MAD1L1: variants seen among roughly 807,000 people sequenced by gnomAD.
The protein encoded by MAD1L1 is mitotic spindle assembly checkpoint protein MAD1.
A neutral mutation model predicts 96.9 loss-of-function variants in MAD1L1; 95 were observed. The ratio of observed to expected loss-of-function variants is 0.98; its 90% CI spans 0.83 to 1.16. The LOEUF (loss-of-function observed/expected upper bound fraction) is 1.16, where lower values mean the gene tolerates loss of function less well. Ranked by LOEUF, MAD1L1 falls within the 50% of genes most tolerant of loss-of-function variation. The pLI is 0.00. For missense variants in MAD1L1, 1,007 were observed against 954.4 expected (o/e 1.06, Z -0.73); for synonymous variants, 473 against 396.6 (o/e 1.19, Z -2.29).
chr7:2,230,120 C>A lies in MAD1L1; in HGVS notation c.14G>T (p.Gly5Val), dbSNP rs1241618769. Residue 5 changes from glycine to valine, a missense_variant, in exon 3 of 19, where the codon GGG becomes GTG. Physicochemically the swap from Gly to Val is moderately radical, Grantham distance 109. Coordinates refer to ENST00000265854, the MANE Select transcript of MAD1L1 (RefSeq NM_001013836.2). Reference sequence around the variant, plus strand: ...GGTGGATAAAACCATGGTGTTTTCCCCCAGGTCTTCCATGGTTGCTTTCCT... The same window carrying A: ...GGTGGATAAAACCATGGTGTTTTCCACCAGGTCTTCCATGGTTGCTTTCCT... Reference protein sequence around the residue: MEDLGENTMVLSTLR... With the variant: MEDLVENTMVLSTLR... 3 of 1,596,024 alleles carry A rather than the reference C, an allele frequency of 1.9e-6. No homozygotes were observed. The highest frequency in any genetic ancestry group is 2.3e-5 in the East Asian group (1 of 44,160).
At chr7:2,210,855 TGCTCAGAGAGGA>T (rs1792903254) in intron 10 of MAD1L1, among the ~76,000 whole-genome samples, 6 of 151,404 alleles carry the variant, frequency 4.0e-5, no homozygotes, top group Non-Finnish European at 8.8e-5. Context: ...AGCCTCCGGC[TGCTCAGAGAGGA>T]CGCTCGCACC....
intron 10 of MAD1L1, among the ~76,000 whole-genome samples, chr7:2,187,834 G>A (rs1032367318): frequency 6.6e-6 from 1 of 152,172 alleles, no homozygotes; most frequent in African/African-American, 2.4e-5. Flanking sequence ...ACTCAGGCTT[G>A]AGCATCTGGT....
intron 17 of MAD1L1, among the ~76,000 whole-genome samples, chr7:1,926,046 A>C (rs569286649): frequency 6.6e-6 from 1 of 152,202 alleles, no homozygotes; most frequent in Non-Finnish European, 1.5e-5. Context: ...AAAAAAAGAC[A>C]TAAACGACCA....
intron 17 of MAD1L1, among the ~76,000 whole-genome samples, chr7:1,908,953 C>A (rs1787846036): frequency 6.6e-6 from 1 of 152,212 alleles, no homozygotes. Flanking sequence ...GGGGGTCCTG[C>A]TGGACTGTTT....
rs568190977 is a variant in MAD1L1 at position 1,929,097 on chromosome 7, C to T, written c.1807+7590G>A. Among the ~76,000 whole-genome samples, 8 of 152,270 alleles carry T rather than the reference C, an allele frequency of 5.3e-5. No individual in the cohort carries two copies. In the South Asian group the frequency reaches 1.2e-3, roughly 24 times the overall value. ...TCGAGGGCACCCTCCTCCCTGAGGC[C>T]GAGCAGGTGGATTCCAGGCAGAGCA... On this transcript the variant is annotated intron_variant, in intron 17 of 18. Transcript: ENST00000265854.
chr7:1,888,049 G>A (rs1038886300), intron 18 of MAD1L1, among the ~76,000 whole-genome samples: 1 of 151,556 alleles, frequency 6.6e-6, no homozygotes, highest in African/African-American at 2.4e-5. Flanking sequence ...ATGTGTGTGT[G>A]AGCCTTCATC....
intron 17 of MAD1L1, among the ~76,000 whole-genome samples, chr7:1,914,121 T>C (rs1788203830): frequency 1.3e-5 from 2 of 152,186 alleles, no homozygotes; most frequent in African/African-American, 4.8e-5. Context: ...CTCTCCACTC[T>C]GCCACACGCC....
intron 11 of MAD1L1, among the ~76,000 whole-genome samples, chr7:2,136,781 C>A (rs553372424): frequency 6.6e-6 from 1 of 152,218 alleles, no homozygotes; most frequent in Non-Finnish European, 1.5e-5. Flanking sequence ...GTACTCCAAT[C>A]GCCTGATGGC....
intron 17 of MAD1L1, among the ~76,000 whole-genome samples, chr7:1,902,275 C>T (rs187434747): frequency 6.6e-6 from 1 of 152,276 alleles, no homozygotes; most frequent in Admixed American, 6.5e-5. Context: ...AGAGGCTTTA[C>T]AGTACTGAGG....
At chr7:2,111,269 A>G (rs1787365658) in intron 11 of MAD1L1, among the ~76,000 whole-genome samples, 1 of 152,188 alleles carries the variant, frequency 6.6e-6, no homozygotes. Flanking sequence ...CAGGCCTCAG[A>G]GCCCGCAGGC....
intron 18 of MAD1L1, among the ~76,000 whole-genome samples, chr7:1,835,548 TATA>T (rs1259277770): frequency 6.6e-6 from 1 of 152,236 alleles, no homozygotes; most frequent in Non-Finnish European, 1.5e-5. Context: ...AAAACTCTTT[TATA>T]ATAATATCAA....
At chr7:1,951,200 C>T (rs1046111204) in intron 16 of MAD1L1, among the ~76,000 whole-genome samples, 3 of 152,380 alleles carry the variant, frequency 2.0e-5, no homozygotes, top group Middle Eastern at 3.4e-3. Flanking sequence ...CAACAGCCAG[C>T]GCCTAAACCA....
At position 2,122,269 on chromosome 7, in the gene MAD1L1, GCCTAATCTCATA is replaced by G. The variant is rs1157055073; in HGVS notation, c.1073+26871_1073+26882del. On this transcript the variant is annotated intron_variant, in intron 11 of 18. Coordinates refer to ENST00000265854, the MANE Select transcript of MAD1L1 (RefSeq NM_001013836.2). ...CAGACCTGTCCACCTCGTGTGCCTTGCCTAATCTCATACCTCAAAGTGTCTTAAAATATTATC... is the reference window on the plus strand; with the variant it reads ...CAGACCTGTCCACCTCGTGTGCCTTGCCTCAAAGTGTCTTAAAATATTATC... 5.9e-5 allele frequency among the ~76,000 whole-genome samples: 9 copies of G among 152,312 alleles called. No homozygotes were observed. In the South Asian group the frequency reaches 6.2e-4, roughly 11 times the overall value.
intron 10 of MAD1L1, among the ~76,000 whole-genome samples, chr7:2,166,718 G>A (rs1790446311): frequency 1.3e-5 from 2 of 152,368 alleles, no homozygotes; most frequent in East Asian, 1.9e-4. Flanking sequence ...GCCTGAGGCT[G>A]TGACAGCGTG....
At chr7:1,884,072 CG>C (rs1562487519) in intron 18 of MAD1L1, among the ~76,000 whole-genome samples, 2 of 151,604 alleles carry the variant, frequency 1.3e-5, no homozygotes, top group East Asian at 1.9e-4. Context: ...GCAGCTCATT[CG>C]AGAGAGCATG....
chr7:2,216,289 T>C lies in MAD1L1; in HGVS notation c.679-2A>G, dbSNP rs558023721. The C allele has an allele frequency of 1.9e-6, 3 of 1,613,198 alleles. No homozygotes were observed. The highest frequency in any genetic ancestry group is 1.7e-5 in the Admixed American group (1 of 59,802). On this transcript the variant is annotated splice_acceptor_variant, in intron 7 of 18. Coordinates refer to ENST00000265854, the MANE Select transcript of MAD1L1 (RefSeq NM_001013836.2). LOFTEE classifies it high-confidence loss of function. ...CAGGGACAGCTTCTGCTCCAGATCC[T>C]GATGGAGGCCAGGGACAGAGAAGAA...
chr7:1,816,045 C>T lies in MAD1L1; in HGVS notation c.*25G>A. On this transcript the variant is annotated 3_prime_UTR_variant, in exon 19 of 19. Transcript: ENST00000265854. Reference sequence around the variant, plus strand: ...GCAGGTCAGGCCAAGCAGAGTGGCTCCGGCTATGCCCCCGAGCCTGCAGGC... The same window carrying T: ...GCAGGTCAGGCCAAGCAGAGTGGCTTCGGCTATGCCCCCGAGCCTGCAGGC... 1 of 1,589,738 alleles carries T rather than the reference C, an allele frequency of 6.3e-7. No individual in the cohort carries two copies. Among genetic ancestry groups the T allele is most frequent in the Non-Finnish European group, 8.6e-7 (1 of 1,167,198 alleles).
intron 11 of MAD1L1, among the ~76,000 whole-genome samples, chr7:2,090,275 T>C (rs1786139607): frequency 6.6e-6 from 1 of 152,172 alleles, no homozygotes; most frequent in Non-Finnish European, 1.5e-5. Flanking sequence ...AGGGGCCAGG[T>C]CCACTGCCAG....
At chr7:2,009,955 C>T (rs1345547970) in intron 13 of MAD1L1, among the ~76,000 whole-genome samples, 1 of 152,066 alleles carries the variant, frequency 6.6e-6, no homozygotes, top group East Asian at 1.9e-4. Flanking sequence ...GCCAGCACCT[C>T]GCGATTCCCA....
Sources: allele counts gnomAD v4.1 joint callset (sites outside exome capture counted in the v4.1 genomes callset), GRCh38; gene constraint gnomAD v4.1.1; transcripts MANE v1.5; gene names NCBI Gene and HGNC (gene_info 2026-07-23, HGNC 2026-07-21).